Variants in BARD1 observed in about 807,000 individuals in gnomAD.
BARD1 encodes the protein BRCA1-associated RING domain protein 1.
Under a neutral mutation model 77.0 loss-of-function variants are expected in BARD1, and 73 were observed. The ratio of observed to expected loss-of-function variants is 0.95; its 90% CI spans 0.79 to 1.15. The LOEUF (loss-of-function observed/expected upper bound fraction) is 1.15. Ranked by LOEUF, BARD1 falls within the 50% of genes most tolerant of loss-of-function variation. The pLI, the probability that BARD1 is intolerant of heterozygous loss-of-function variation, is 0.00. For missense variants in BARD1, 993 were observed against 938.8 expected, an observed-to-expected ratio of 1.06 and a Z score of -0.75; for synonymous variants, 384 against 338.0, an observed-to-expected ratio of 1.14 and a Z score of -1.49.
At chr2:214,730,536 A>AC in intron 9 of BARD1, 28 bp from the exon 10 acceptor site, 1 of 1,565,078 alleles carries the variant, frequency 6.4e-7, no homozygotes, top group Non-Finnish European at 8.8e-7. Context: ...ATTAAAGCAA[A>AC]CTAAGTATCA....
At chr2:214,761,739 T>A (rs1693974613) in intron 6 of BARD1, among the ~76,000 whole-genome samples, 1 of 152,112 alleles carries the variant, frequency 6.6e-6, no homozygotes, top group African/African-American at 2.4e-5. Flanking sequence ...GAAGAAAGCT[T>A]CCACAGGGCA....
At chr2:214,793,772 T>G (rs1247927476) in intron 2 of BARD1, among the ~76,000 whole-genome samples, 1 of 152,168 alleles carries the variant, frequency 6.6e-6, no homozygotes, top group Non-Finnish European at 1.5e-5. Flanking sequence ...GAAAAAAATG[T>G]CATTTTTCGG....
At chr2:214,755,013 CAAT>C (rs1693627851) in intron 6 of BARD1, among the ~76,000 whole-genome samples, 1 of 152,110 alleles carries the variant, frequency 6.6e-6, no homozygotes, top group African/African-American at 2.4e-5. Flanking sequence ...TATTTGGGCA[CAAT>C]AATGTGTGCT....
At chr2:214,770,029 A>G (rs1297929563) in intron 4 of BARD1, among the ~76,000 whole-genome samples, 1 of 152,214 alleles carries the variant, frequency 6.6e-6, no homozygotes, top group South Asian at 2.1e-4. Flanking sequence ...CAGTGAAACC[A>G]AAGTTAAAAA....
At chr2:214,748,931 TA>T (rs1314506008) in intron 7 of BARD1, among the ~76,000 whole-genome samples, 3 of 152,266 alleles carry the variant, frequency 2.0e-5, no homozygotes, top group Admixed American at 2.0e-4. Context: ...GCTACTATAG[TA>T]AACAGAAGAG....
At chr2:214,800,433 G>A (rs1695964497) in intron 1 of BARD1, among the ~76,000 whole-genome samples, 1 of 152,210 alleles carries the variant, frequency 6.6e-6, no homozygotes, top group African/African-American at 2.4e-5. Context: ...AGCTACTCAG[G>A]AGGCTGAGGC....
chr2:214,786,752 T>C (rs1165764970), intron 3 of BARD1, among the ~76,000 whole-genome samples: 1 of 151,960 alleles, frequency 6.6e-6, no homozygotes, highest in African/African-American at 2.4e-5. Context: ...AGTATGTATA[T>C]GAATAAGGGC....
chr2:214,804,616 G>A (rs527241497), intron 1 of BARD1, among the ~76,000 whole-genome samples: 15 of 152,182 alleles, frequency 9.9e-5, no homozygotes, highest in South Asian at 4.1e-4. Flanking sequence ...ACAAATCAAC[G>A]AGTCCATTTT....
intron 1 of BARD1, among the ~76,000 whole-genome samples, chr2:214,807,319 C>T (rs1227228198): frequency 2.0e-5 from 3 of 152,076 alleles, no homozygotes; most frequent in Non-Finnish European, 4.4e-5. Flanking sequence ...CACTCCGTTG[C>T]CTCTTACTGT....
At chr2:214,773,626 TTA>T (rs1261594821) in intron 4 of BARD1, among the ~76,000 whole-genome samples, 2 of 93,722 alleles carry the variant, frequency 2.1e-5, no homozygotes, top group Admixed American at 9.9e-5. Context: ...TGCAATAGCA[TTA>T]TGTTTTTTAA....
At chr2:214,794,472 C>T (rs1695667803) in intron 2 of BARD1, among the ~76,000 whole-genome samples, 1 of 152,092 alleles carries the variant, frequency 6.6e-6, no homozygotes. Context: ...CAGAGATTTG[C>T]AAAAATGTAC....
chr2:214,784,798 T>C (rs970405751), intron 3 of BARD1, among the ~76,000 whole-genome samples: 2 of 152,120 alleles, frequency 1.3e-5, no homozygotes, highest in Non-Finnish European at 2.9e-5. Context: ...ACACTGCATG[T>C]TCTCACTCAT....
chr2:214,766,692 A>G (rs779558104), intron 6 of BARD1, among the ~76,000 whole-genome samples: 3 of 152,200 alleles, frequency 2.0e-5, no homozygotes, highest in Non-Finnish European at 4.4e-5. Context: ...AACTACACAC[A>G]TCCTCCCGTA....
intron 4 of BARD1, among the ~76,000 whole-genome samples, chr2:214,776,569 A>C (rs914241088): frequency 5.3e-5 from 8 of 152,346 alleles, no homozygotes; most frequent in Middle Eastern, 3.4e-3. Context: ...GAGCAGAGAA[A>C]TGATAATTTT....
Position 214,745,818 on chromosome 2 carries a change from G to A in BARD1, c.1714C>T (p.Leu572Phe), listed in dbSNP as rs772222117. 3 of 1,613,940 alleles carry A rather than the reference G, an allele frequency of 1.9e-6. No homozygotes were observed. Among genetic ancestry groups the A allele is most frequent in the Non-Finnish European group, 2.5e-6 (3 of 1,179,930 alleles). The change falls in exon 8 of 11, where the codon CTT becomes TTT. Residue 572 changes from leucine (L) to phenylalanine (F), a missense_variant. Physicochemically the swap from Leu to Phe is conservative, Grantham distance 22. Coordinates refer to ENST00000260947, the MANE Select transcript of BARD1 (RefSeq NM_000465.4). ...TGQRRDGPLV[L>F]IGSGLSSEQQ... Reference sequence around the variant, plus strand: ...TCTGAAGACAGCCCACTGCCTATAAGTACAAGAGGTCCATCCCTACGCTGC... The same window carrying A: ...TCTGAAGACAGCCCACTGCCTATAAATACAAGAGGTCCATCCCTACGCTGC...
chr2:214,752,808 TTATTCA>T (rs998391092), intron 6 of BARD1, among the ~76,000 whole-genome samples: 25 of 152,318 alleles, frequency 1.6e-4, no homozygotes, highest in South Asian at 4.1e-4. Context: ...TTCTGCATTC[TTATTCA>T]TATTAAAATA....
At chr2:214,780,323 G>A (rs1211988768) in intron 4 of BARD1, among the ~76,000 whole-genome samples, 2 of 152,138 alleles carry the variant, frequency 1.3e-5, no homozygotes, top group African/African-American at 4.8e-5. Flanking sequence ...AATAAAAGCC[G>A]AAATATTCAA....
chr2:214,767,726 ACT>A, intron 5 of BARD1, 72 bp from the exon 6 acceptor site: 4 of 1,342,504 alleles, frequency 3.0e-6, no homozygotes, highest in Non-Finnish European at 4.2e-6. Context: ...ATAATATCAC[ACT>A]TTAGAAAAAT....
At chr2:214,807,197 A>T (rs1024921803) in intron 1 of BARD1, among the ~76,000 whole-genome samples, 1 of 151,662 alleles carries the variant, frequency 6.6e-6, no homozygotes, top group Non-Finnish European at 1.5e-5. Context: ...GATTCAGTTC[A>T]TCTATAGAGG....
Sources: gnomAD v4.1 joint callset for allele counts (sites outside exome capture counted in the v4.1 genomes callset) on GRCh38, gnomAD v4.1.1 for gene constraint, MANE v1.5 for transcripts, NCBI Gene and HGNC (gene_info 2026-07-23, HGNC 2026-07-21) for gene names.